Variants in CNTNAP5 observed in about 807,000 individuals in gnomAD.
CNTNAP5 encodes contactin associated protein family member 5, also known as contactin-associated protein-like 5.
In CNTNAP5, 72 loss-of-function variants were observed where a neutral mutation model predicts 150.2. That is an observed-to-expected ratio of 0.48 (90% confidence interval 0.40 to 0.58). CNTNAP5 has a LOEUF of 0.58. Ranked by LOEUF, CNTNAP5 falls within the 20% of genes least tolerant of loss-of-function variation. The pLI, the probability that CNTNAP5 is intolerant of heterozygous loss-of-function variation, is 0.00. For synonymous variants in CNTNAP5, 672 were observed against 619.8 expected (o/e 1.08, Z -1.25); for missense variants, 1,636 against 1,626.2 (o/e 1.01, Z -0.10).
chr2:124,390,648 G>A (rs968404801), intron 3 of CNTNAP5, among the ~76,000 whole-genome samples: 2 of 152,124 alleles, frequency 1.3e-5, no homozygotes, highest in Admixed American at 6.5e-5. Flanking sequence ...ATGTCAGTTT[G>A]TACTAACAGA....
At chr2:124,268,794 G>C (rs142342814) in intron 3 of CNTNAP5, among the ~76,000 whole-genome samples, 3 of 152,242 alleles carry the variant, frequency 2.0e-5, no homozygotes, top group African/African-American at 7.2e-5. Context: ...TTGTGGCCTG[G>C]CCTATTTTCA....
At chr2:124,130,918 T>C (rs551326786) in intron 1 of CNTNAP5, among the ~76,000 whole-genome samples, 40 of 152,240 alleles carry the variant, frequency 2.6e-4, no homozygotes, top group African/African-American at 9.1e-4. Flanking sequence ...TCCTCTCTTT[T>C]ATAATTAAGA....
At chr2:124,081,222 T>C (rs912308667) in intron 1 of CNTNAP5, among the ~76,000 whole-genome samples, 4 of 152,132 alleles carry the variant, frequency 2.6e-5, no homozygotes, top group African/African-American at 7.2e-5. Context: ...ACATGAAATA[T>C]GTTAGTTCTT....
chr2:124,485,310 T>C (rs1693844808), intron 7 of CNTNAP5, among the ~76,000 whole-genome samples: 4 of 152,082 alleles, frequency 2.6e-5, no homozygotes, highest in Non-Finnish European at 5.9e-5. Context: ...GATTCAGACC[T>C]CTTCAAGTAG....
chr2:124,249,249 C>T (rs1386969903), intron 3 of CNTNAP5, among the ~76,000 whole-genome samples: 1 of 152,114 alleles, frequency 6.6e-6, no homozygotes, highest in Non-Finnish European at 1.5e-5. Context: ...AATATATTTC[C>T]TTGCCATACC....
intron 19 of CNTNAP5, among the ~76,000 whole-genome samples, chr2:124,856,143 G>C (rs1353875124): frequency 6.6e-6 from 1 of 151,854 alleles, no homozygotes; most frequent in Non-Finnish European, 1.5e-5. Flanking sequence ...GTGTGTGGGG[G>C]TGTGTGTATA....
intron 3 of CNTNAP5, among the ~76,000 whole-genome samples, chr2:124,382,620 A>T (rs1417171066): frequency 1.3e-5 from 2 of 152,184 alleles, no homozygotes; most frequent in African/African-American, 4.8e-5. Flanking sequence ...ACCTTCATAT[A>T]CACTCTCCAA....
chr2:124,059,098 C>T (rs1406155227), intron 1 of CNTNAP5, among the ~76,000 whole-genome samples: 1 of 152,138 alleles, frequency 6.6e-6, no homozygotes, highest in East Asian at 1.9e-4. Flanking sequence ...TTTATTGTTA[C>T]TTCTTCATAT....
At chr2:124,713,847 A>G (rs1371668958) in intron 13 of CNTNAP5, among the ~76,000 whole-genome samples, 1 of 152,128 alleles carries the variant, frequency 6.6e-6, no homozygotes, top group Non-Finnish European at 1.5e-5. Flanking sequence ...TTTATCAAGG[A>G]GCATGAGGCT....
chr2:124,661,547 C>G (rs999973971), intron 13 of CNTNAP5, among the ~76,000 whole-genome samples: 10 of 138,944 alleles, frequency 7.2e-5, no homozygotes, highest in African/African-American at 1.1e-4. Context: ...CCCCGAAGGG[C>G]CTGCCTGAGG....
At chr2:124,540,776 C>T (rs530284075) in intron 10 of CNTNAP5, among the ~76,000 whole-genome samples, 10 of 152,108 alleles carry the variant, frequency 6.6e-5, no homozygotes, top group African/African-American at 1.4e-4. Context: ...ACTTGAGTGC[C>T]GACCACAGTA....
At chr2:124,670,757 G>A (rs532809968) in intron 13 of CNTNAP5, among the ~76,000 whole-genome samples, 1 of 152,040 alleles carries the variant, frequency 6.6e-6, no homozygotes, top group Non-Finnish European at 1.5e-5. Context: ...TGCCTTGCTC[G>A]TTCACCTCTT....
chr2:124,295,203 C>CTTTT (rs71394033), intron 3 of CNTNAP5, among the ~76,000 whole-genome samples: 1 of 137,984 alleles, frequency 7.2e-6, no homozygotes, highest in African/African-American at 2.6e-5. Flanking sequence ...AGGTTGATTT[C>CTTTT]TTTTTTTTTT....
At chr2:124,394,002 T>C (rs1361894712) in intron 3 of CNTNAP5, among the ~76,000 whole-genome samples, 1 of 152,224 alleles carries the variant, frequency 6.6e-6, no homozygotes, top group Non-Finnish European at 1.5e-5. Context: ...ACATTTTATA[T>C]AAAATATCAG....
At chr2:124,284,887 T>A (rs1688107986) in intron 3 of CNTNAP5, among the ~76,000 whole-genome samples, 1 of 151,982 alleles carries the variant, frequency 6.6e-6, no homozygotes, top group Non-Finnish European at 1.5e-5. Context: ...GAAATGACAC[T>A]CCCAAGGGAA....
intron 5 of CNTNAP5, among the ~76,000 whole-genome samples, chr2:124,443,288 A>T (rs1316399450): frequency 6.7e-6 from 1 of 149,524 alleles, no homozygotes. Flanking sequence ...ATCATATGTT[A>T]TATTTATATA....
intron 1 of CNTNAP5, among the ~76,000 whole-genome samples, chr2:124,194,468 T>C (rs1220322467): frequency 6.7e-6 from 1 of 149,208 alleles, no homozygotes; most frequent in Non-Finnish European, 1.5e-5. Flanking sequence ...TTTTCTCTTT[T>C]CTAGAACATG....
chr2:124,410,907 C>T (rs1369000829), intron 3 of CNTNAP5, among the ~76,000 whole-genome samples: 2 of 151,310 alleles, frequency 1.3e-5, no homozygotes, highest in Non-Finnish European at 2.9e-5. Context: ...AATAGAGACA[C>T]AAAAAACTCT....
At chr2:124,252,555 C>T (rs1687212675) in intron 3 of CNTNAP5, among the ~76,000 whole-genome samples, 1 of 152,138 alleles carries the variant, frequency 6.6e-6, no homozygotes, top group South Asian at 2.1e-4. Context: ...TTGGTGGGGA[C>T]TCTAATCTGT....
Sources: allele counts gnomAD v4.1 joint callset (sites outside exome capture counted in the v4.1 genomes callset), GRCh38; gene constraint gnomAD v4.1.1; transcripts MANE v1.5; gene names NCBI Gene and HGNC (gene_info 2026-07-23, HGNC 2026-07-21).